The following PITPNC1 variants were observed in gnomAD, a reference collection of about 807,000 sequenced individuals.
PITPNC1 encodes cytoplasmic phosphatidylinositol transfer protein 1.
In PITPNC1, 18 loss-of-function variants were observed where a neutral mutation model predicts 44.7. The ratio of observed to expected loss-of-function variants is 0.40; its 90% confidence interval spans 0.28 to 0.60. PITPNC1 has a LOEUF of 0.60. PITPNC1 is among the 20% of genes least tolerant of loss of function. The pLI is 0.39. For synonymous variants in PITPNC1, 141 were observed against 149.6 expected, an observed-to-expected ratio of 0.94 and a Z score of 0.42; for missense variants, 290 against 418.4, an observed-to-expected ratio of 0.69 and a Z score of 2.68.
intron 6 of PITPNC1, among the ~76,000 whole-genome samples, chr17:67,658,910 G>A (rs770351785): frequency 3.9e-5 from 6 of 152,140 alleles, no homozygotes; most frequent in South Asian, 2.1e-4. Context: ...AGTTGTTTAC[G>A]TGCAACTATC....
chr17:67,410,770 C>G (rs957350436), intron 1 of PITPNC1, among the ~76,000 whole-genome samples: 1 of 151,988 alleles, frequency 6.6e-6, no homozygotes, highest in African/African-American at 2.4e-5. Context: ...GCTCTCTTAA[C>G]TAGGGTGTGG....
chr17:67,433,885 T>C (rs1026049326), intron 1 of PITPNC1, among the ~76,000 whole-genome samples: 3 of 151,812 alleles, frequency 2.0e-5, no homozygotes, highest in African/African-American at 7.3e-5. Context: ...CTGGGTGACA[T>C]AGCGAGACTC....
chr17:67,631,666 A>ATG (rs2041973179), intron 5 of PITPNC1, among the ~76,000 whole-genome samples: 1 of 77,300 alleles, frequency 1.3e-5, no homozygotes, highest in Non-Finnish European at 3.0e-5. Context: ...AAATATATAT[A>ATG]TATATAAAAT....
chr17:67,687,407 G>A (rs2042836759), intron 8 of PITPNC1, among the ~76,000 whole-genome samples: 1 of 152,084 alleles, frequency 6.6e-6, no homozygotes, highest in South Asian at 2.1e-4. Context: ...GGTTATTTCG[G>A]TCATAAAACC....
intron 8 of PITPNC1, among the ~76,000 whole-genome samples, chr17:67,678,477 C>A (rs954979175): frequency 1.6e-4 from 25 of 152,290 alleles, no homozygotes; most frequent in African/African-American, 5.5e-4. Context: ...GAGTGGGTCT[C>A]CCCCTGCATA....
At chr17:67,425,495 TTC>T (rs1247051123) in intron 1 of PITPNC1, among the ~76,000 whole-genome samples, 2 of 132,726 alleles carry the variant, frequency 1.5e-5, no homozygotes, top group African/African-American at 5.5e-5. Context: ...CCTTCCTTCC[TTC>T]TCTCTCATTC....
chr17:67,569,618 C>T (rs558585997), intron 4 of PITPNC1, among the ~76,000 whole-genome samples: 2 of 152,240 alleles, frequency 1.3e-5, no homozygotes, highest in East Asian at 3.9e-4. Flanking sequence ...ATTATAGATG[C>T]TTAGACACCA....
chr17:67,635,314 G>A (rs776452501), intron 6 of PITPNC1, among the ~76,000 whole-genome samples: 8 of 152,170 alleles, frequency 5.3e-5, no homozygotes, highest in Non-Finnish European at 1.2e-4. Context: ...TTGAAGATGA[G>A]TTGACAGGGA....
chr17:67,555,329 G>A (rs2040821391), intron 4 of PITPNC1, among the ~76,000 whole-genome samples: 1 of 152,178 alleles, frequency 6.6e-6, no homozygotes, highest in Non-Finnish European at 1.5e-5. Context: ...GACACTGCAA[G>A]AGCAGCCTTA....
intron 1 of PITPNC1, among the ~76,000 whole-genome samples, chr17:67,522,318 A>T (rs946521589): frequency 6.6e-6 from 1 of 151,986 alleles, no homozygotes; most frequent in African/African-American, 2.4e-5. Context: ...CACCAAAAAA[A>T]AAAGACATCT....
intron 5 of PITPNC1, among the ~76,000 whole-genome samples, chr17:67,630,989 G>A (rs933364218): frequency 3.3e-5 from 5 of 151,430 alleles, no homozygotes; most frequent in African/African-American, 7.3e-5. Flanking sequence ...TGCGATTACA[G>A]GCATGAACCA....
intron 1 of PITPNC1, among the ~76,000 whole-genome samples, chr17:67,489,768 TG>T (rs1409708061): frequency 6.6e-6 from 1 of 152,164 alleles, no homozygotes; most frequent in African/African-American, 2.4e-5. Context: ...TAATTTGAGA[TG>T]GAGTCTCGCT....
chr17:67,495,246 G>A (rs1409869767), intron 1 of PITPNC1, among the ~76,000 whole-genome samples: 1 of 151,552 alleles, frequency 6.6e-6, no homozygotes, highest in African/African-American at 2.4e-5. Flanking sequence ...TTTTAGTAGA[G>A]ATGGGGTTTC....
intron 6 of PITPNC1, among the ~76,000 whole-genome samples, chr17:67,636,072 G>A (rs1598915192): frequency 6.6e-6 from 1 of 152,274 alleles, no homozygotes; most frequent in East Asian, 1.9e-4. Context: ...GCCGAGGCAG[G>A]TGAATCACAA....
intron 2 of PITPNC1, among the ~76,000 whole-genome samples, chr17:67,537,470 G>C (rs1189311035): frequency 1.3e-5 from 2 of 152,074 alleles, no homozygotes; most frequent in Non-Finnish European, 2.9e-5. Context: ...AAGAAACAAA[G>C]TTACCCAGTA....
intron 7 of PITPNC1, among the ~76,000 whole-genome samples, chr17:67,670,940 G>A (rs1261457406): frequency 6.6e-6 from 1 of 151,920 alleles, no homozygotes; most frequent in African/African-American, 2.4e-5. Flanking sequence ...GGAGTACAGT[G>A]GCACAATCTC....
At chr17:67,592,995 G>A (rs933881707) in intron 5 of PITPNC1, among the ~76,000 whole-genome samples, 9 of 152,068 alleles carry the variant, frequency 5.9e-5, no homozygotes, top group East Asian at 1.9e-4. Context: ...TCATGATGGC[G>A]CTACTACACT....
intron 5 of PITPNC1, among the ~76,000 whole-genome samples, chr17:67,583,581 C>G (rs1234078112): frequency 8.1e-6 from 1 of 123,330 alleles, no homozygotes; most frequent in Non-Finnish European, 1.7e-5. Context: ...GAGCGAGACT[C>G]CTTCTCAAAA....
chr17:67,496,359 A>G, intron 1 of PITPNC1, among the ~76,000 whole-genome samples: 1 of 152,328 alleles, frequency 6.6e-6, no homozygotes, highest in East Asian at 1.9e-4. Context: ...TTAGTCTTCT[A>G]ACTACATTAT....
Sources: allele counts gnomAD v4.1 joint callset (sites outside exome capture counted in the v4.1 genomes callset), GRCh38; gene constraint gnomAD v4.1.1; transcripts MANE v1.5; gene names NCBI Gene and HGNC (gene_info 2026-07-23, HGNC 2026-07-21).